The following PMS2 variants were observed in gnomAD, a reference collection of about 807,000 sequenced individuals.
The protein encoded by PMS2 is mismatch repair endonuclease PMS2.
In PMS2, 69 loss-of-function variants were observed where a neutral mutation model predicts 90.0. The observed-to-expected ratio is 0.77, with a 90% CI of 0.63 to 0.94. The LOEUF (loss-of-function observed/expected upper bound fraction) is 0.94. PMS2 is among the 40% of genes least tolerant of loss of function. The pLI is 0.00. For missense variants in PMS2, 966 were observed against 1,040.2 expected (o/e 0.93, Z 0.98); for synonymous variants, 332 against 375.1 (o/e 0.89, Z 1.33).
chr7:5,991,284 G>C (rs1456575679), intron 9 of PMS2, among the ~76,000 whole-genome samples: 2 of 151,850 alleles, frequency 1.3e-5, no homozygotes, highest in South Asian at 4.1e-4. Context: ...AGGGGAGAGA[G>C]AGAGAAAGAG....
chr7:5,987,713 A>T (rs1783204576), intron 10 of PMS2, 93 bp from the exon 11 acceptor site: 1 of 956,844 alleles, frequency 1.0e-6, no homozygotes, highest in Admixed American at 1.7e-5. Context: ...AAAAGAGGAG[A>T]TCCACATGCT....
rs1268217925 is a variant in PMS2 at position 5,997,365 on chromosome 7, T to C, written c.764A>G (p.Tyr255Cys). Residue 255 changes from tyrosine to cysteine, a missense_variant, in exon 7 of 15, where the codon TAC (tyrosine) becomes TGC (cysteine). By Grantham distance (194) the Tyr-to-Cys change is radical. Transcript: ENST00000265849. ...LPPSDSVCEEYGLSCSDALHN... is the reference protein window; with the variant it reads ...LPPSDSVCEECGLSCSDALHN... The stretch of plus-strand genomic sequence containing the variant: ...CAGAGCATCGGAACAGCTCAAACCG[T>C]ACTCTTCACACACGGAGTCACTAGG... 1 of 1,604,188 alleles carries C rather than the reference T, an allele frequency of 6.2e-7. No homozygotes were observed. The highest frequency in any genetic ancestry group is 1.1e-5 in the South Asian group (1 of 90,762).
intron 10 of PMS2, among the ~76,000 whole-genome samples, chr7:5,988,924 T>C (rs1321758536): frequency 6.6e-6 from 1 of 152,124 alleles, no homozygotes; most frequent in Admixed American, 6.6e-5. Context: ...GGCACAATCT[T>C]GGCTCACTGC....
intron 10 of PMS2, among the ~76,000 whole-genome samples, chr7:5,988,657 C>T: frequency 6.6e-6 from 1 of 152,122 alleles, no homozygotes; most frequent in Non-Finnish European, 1.5e-5. Flanking sequence ...AAACTGGAAA[C>T]AATTCAAATA....
At chr7:5,990,906 T>A (rs936986726) in intron 9 of PMS2, among the ~76,000 whole-genome samples, 9 of 152,056 alleles carry the variant, frequency 5.9e-5, no homozygotes, top group Admixed American at 2.0e-4. Context: ...TCCGTGCTAC[T>A]CAGGAGGCTG....
intron 2 of PMS2, among the ~76,000 whole-genome samples, chr7:6,005,568 C>G (rs1785640122): frequency 6.6e-6 from 1 of 152,150 alleles, no homozygotes; most frequent in Admixed American, 6.6e-5. Flanking sequence ...AACTCTTGGC[C>G]TCAAGCAATT....
rs558032755 is a variant in PMS2 at position 6,005,941 on chromosome 7, C to A, written c.114G>T (p.Ala38=). The change falls in exon 2 of 15, where the codon GCG becomes GCT. Residue 38 remains alanine (A), a synonymous_variant. Transcript: ENST00000265849. Reference sequence around the variant, plus strand: ...GACTGTTTTCTACTAACTCCTTTACCGCAGTGCTTAGACTCAGTACCACCT... The same window carrying A: ...GACTGTTTTCTACTAACTCCTTTACAGCAGTGCTTAGACTCAGTACCACCT... ...SGQVVLSLST[A]VKELVENSLD... 1 of 1,610,826 alleles carries A rather than the reference C, an allele frequency of 6.2e-7. No individual in the cohort carries two copies. Among genetic ancestry groups the A allele is most frequent in the East Asian group, 2.2e-5 (1 of 44,870 alleles).
chr7:6,007,112 A>G (rs28612833), intron 1 of PMS2, among the ~76,000 whole-genome samples: 135 of 115,922 alleles, frequency 1.2e-3, no homozygotes, highest in Non-Finnish European at 2.0e-3. Flanking sequence ...TATTATTATT[A>G]TTGTTATTAT....
chr7:6,005,761 T>C, intron 2 of PMS2, 131 bp downstream of exon 2: 1 of 1,413,416 alleles, frequency 7.1e-7, no homozygotes, highest in Non-Finnish European at 9.8e-7. Context: ...TAATAGGTGC[T>C]AACTTCAACT....
chr7:5,985,300 C>T (rs1236153867), intron 11 of PMS2, among the ~76,000 whole-genome samples: 1 of 146,076 alleles, frequency 6.8e-6, no homozygotes, highest in East Asian at 2.0e-4. Context: ...GAGATGGGGC[C>T]TCATTATATT....
At chr7:5,996,284 T>G (rs937139806) in intron 7 of PMS2, among the ~76,000 whole-genome samples, 29 of 152,096 alleles carry the variant, frequency 1.9e-4, no homozygotes, top group African/African-American at 7.0e-4. Context: ...CTGGGTGTGG[T>G]GGCTCATGCC....
In PMS2 at chr7:5,982,985, C is replaced by T. The variant is rs771513870; in HGVS notation, c.2013G>A (p.Thr671=). Residue 671 remains threonine, a synonymous_variant, in exon 12 of 15, where the codon ACG becomes ACA. Coordinates refer to ENST00000265849, the MANE Select transcript of PMS2 (RefSeq NM_000535.7). ...CAATGATTTCCATTTCTGCAAACAT[C>T]GTTTTACTGCAGGTAGAAAATGTTA... The part of the protein sequence containing the change: ...EDELRKEISK[T]MFAEMEIIGQ... 5 of 1,517,180 alleles carry T rather than the reference C, an allele frequency of 3.3e-6. No homozygotes were observed. The highest frequency in any genetic ancestry group is 3.6e-6 in the Non-Finnish European group (4 of 1,110,102). The allele number at this position is 1,517,180 out of a possible 1,614,324, so 94.0% of individuals were successfully genotyped here.
At position 5,987,047 on chromosome 7, in the gene PMS2, G is replaced by T. The variant is rs876660076; in HGVS notation, c.1718C>A (p.Thr573Asn). ...TTTTTTAAAACGCTTTGTGTTTGGG[G>T]TTGCGAGATTAGTTGGCTGAGGCAA... ...RVLPQPTNLATPNTKRFKKEE... is the reference protein window; with the variant it reads ...RVLPQPTNLANPNTKRFKKEE... Residue 573 changes from threonine to asparagine, a missense_variant, in exon 11 of 15, where the codon ACC becomes AAC. Thr to Asn is a moderately conservative substitution (Grantham distance 65). Transcript: ENST00000265849. 3 of 1,614,170 alleles carry T rather than the reference G, an allele frequency of 1.9e-6. No individual in the cohort carries two copies. The highest frequency in any genetic ancestry group is 2.5e-6 in the Non-Finnish European group (3 of 1,180,042).
At position 5,987,533 on chromosome 7, in the gene PMS2, T is replaced by G. The variant is rs587782832; in HGVS notation, c.1232A>C (p.Glu411Ala). 1 of 1,614,208 alleles carries G rather than the reference T, an allele frequency of 6.2e-7. No homozygotes were observed. The highest frequency in any genetic ancestry group is 1.7e-5 in the Admixed American group (1 of 60,006). ...DQSPSLRTGE[E>A]KKDVSISRLR... Reference sequence around the variant, plus strand: ...TCTGGAAATGGACACGTCTTTTTTTTCTTCTCCAGTCCTTAATGAAGGGGA... The same window carrying G: ...TCTGGAAATGGACACGTCTTTTTTTGCTTCTCCAGTCCTTAATGAAGGGGA... The change falls in exon 11 of 15, where the codon GAA becomes GCA. Residue 411 changes from glutamate to alanine, a missense_variant. By Grantham distance (107) the Glu-to-Ala change is moderately radical. This residue lies in a region of PMS2 where 871 missense variants were observed against 802.4 expected (regional missense o/e 1.09). Coordinates refer to ENST00000265849, the MANE Select transcript of PMS2 (RefSeq NM_000535.7).
chr7:5,976,185 G>A (rs1472344753), intron 14 of PMS2, among the ~76,000 whole-genome samples: 1 of 141,736 alleles, frequency 7.1e-6, no homozygotes, highest in Admixed American at 7.2e-5. Context: ...GCAGTGAGCT[G>A]AGATCACATC....
rs1583408255 is a variant in PMS2 at position 6,003,707 on chromosome 7, G to C, written c.336C>G (p.Ser112Arg). 1 of 1,587,020 alleles carries C rather than the reference G, an allele frequency of 6.3e-7. No individual in the cohort carries two copies. Among genetic ancestry groups the C allele is most frequent in the Non-Finnish European group, 8.6e-7 (1 of 1,169,192 alleles). ...ETFGFRGEAL[S>R]SLCALSDVTI... ...TGTATCACCTCAGTGCACAAAGTGA[G>C]CTCAGAGCTTCCCCCCGAAAGCCAA... is the stretch of plus-strand genomic sequence containing the variant. The change falls in exon 4 of 15, where the codon AGC becomes AGG. Residue 112 changes from serine to arginine, a missense_variant. Ser to Arg is a moderately radical substitution (Grantham distance 110). Around this residue, in one of 2 missense-constraint regions of PMS2, gnomAD observed 871 missense variants for 802.4 expected, o/e 1.09. Coordinates refer to ENST00000265849, the MANE Select transcript of PMS2 (RefSeq NM_000535.7).
chr7:5,994,783 A>G (rs1784194529), intron 8 of PMS2, among the ~76,000 whole-genome samples: 1 of 152,044 alleles, frequency 6.6e-6, no homozygotes, highest in African/African-American at 2.4e-5. Context: ...TCAGAAAAAA[A>G]AAAAGAAAGA....
At position 5,987,254 on chromosome 7, in the gene PMS2, T is replaced by C. The variant is rs1254121331; in HGVS notation, c.1511A>G (p.Glu504Gly). 6 of 1,614,116 alleles carry C rather than the reference T, an allele frequency of 3.7e-6. No homozygotes were observed. The highest frequency in any genetic ancestry group is 1.7e-5 in the Admixed American group (1 of 60,004). The change falls in exon 11 of 15, where the codon GAG becomes GGG. Residue 504 changes from glutamate (E) to glycine (G), a missense_variant. By Grantham distance (98) the Glu-to-Gly change is moderately conservative (BLOSUM62 -2). Transcript: ENST00000265849. ...SGHGSTSVDSEGFSIPDTGSH... is the reference protein window; with the variant it reads ...SGHGSTSVDSGGFSIPDTGSH... ...GCCCGTGTCTGGGATGCTGAACCCC[T>C]CAGAATCCACGGAAGTGCTGCCGTG...
At chr7:5,984,669 C>T (rs1029527096) in intron 11 of PMS2, among the ~76,000 whole-genome samples, 1 of 151,594 alleles carries the variant, frequency 6.6e-6, no homozygotes, top group Non-Finnish European at 1.5e-5. Context: ...CCTGTACTCC[C>T]AGCTACTTGG....
Sources: allele counts gnomAD v4.1 joint callset (sites outside exome capture counted in the v4.1 genomes callset), GRCh38; gene constraint gnomAD v4.1.1; regional missense constraint gnomAD v4.1.1; transcripts MANE v1.5; gene names NCBI Gene and HGNC (gene_info 2026-07-23, HGNC 2026-07-21).